Variants in TOGARAM1 observed in about 807,000 individuals in gnomAD.
TOGARAM1 encodes TOG array regulator of axonemal microtubules protein 1.
TOGARAM1 carries 100 observed loss-of-function variants against 166.6 expected under a neutral mutation model. That is an observed-to-expected ratio of 0.60 (90% confidence interval 0.51 to 0.71). The LOEUF (loss-of-function observed/expected upper bound fraction) is 0.71, where lower values mean the gene tolerates loss of function less well. Ranked by LOEUF, TOGARAM1 falls within the 30% of genes least tolerant of loss-of-function variation. The probability of loss-of-function intolerance (pLI) is 0.00; values close to 1 mark genes in which losing one functional copy is unlikely to be tolerated. For missense variants in TOGARAM1, 2,029 were observed against 2,102.7 expected, an observed-to-expected ratio of 0.96 and a Z score of 0.69; for synonymous variants, 758 against 763.8, an observed-to-expected ratio of 0.99 and a Z score of 0.13.
intron 1 of TOGARAM1, among the ~76,000 whole-genome samples, chr14:44,987,004 CAAAAAAAAAAA>C (rs749013284): frequency 3.4e-5 from 2 of 58,390 alleles, no homozygotes; most frequent in Non-Finnish European, 7.1e-5. Context: ...GACTCTGTCT[CAAAAAAAAAAA>C]AAAAGAAAGA....
At chr14:45,018,844 C>G (rs979540077) in intron 7 of TOGARAM1, among the ~76,000 whole-genome samples, 13 of 152,216 alleles carry the variant, frequency 8.5e-5, no homozygotes, top group Non-Finnish European at 1.8e-4. Context: ...AACTCATACC[C>G]TCATGTAATT....
intron 1 of TOGARAM1, among the ~76,000 whole-genome samples, chr14:44,990,765 A>G (rs1340414654): frequency 6.6e-6 from 1 of 151,948 alleles, no homozygotes; most frequent in Non-Finnish European, 1.5e-5. Flanking sequence ...CAGTGTGGGT[A>G]TTCTCCCTTT....
intron 1 of TOGARAM1, among the ~76,000 whole-genome samples, chr14:44,980,725 G>C (rs180895534): frequency 6.6e-6 from 1 of 152,160 alleles, no homozygotes; most frequent in African/African-American, 2.4e-5. Flanking sequence ...ACAAGAGTGA[G>C]GCAGGGGCTA....
At position 44,963,650 on chromosome 14, in the gene TOGARAM1, T is replaced by C. The variant is rs1177936152; in HGVS notation, c.1229T>C (p.Val410Ala). 1 of 1,613,320 alleles carries C rather than the reference T, an allele frequency of 6.2e-7. No individual in the cohort carries two copies. Among genetic ancestry groups the C allele is most frequent in the Non-Finnish European group, 8.5e-7 (1 of 1,180,032 alleles). ...YNLLDDSNFK[V>A]VHGTLEVLHL... ...TTGTTAGACGATTCTAACTTCAAAG[T>C]GGTGCATGGCACACTTGAAGTCCTG... Residue 410 changes from valine to alanine, a missense_variant, in exon 1 of 20, where the codon GTG (valine) becomes GCG (alanine). Physicochemically the swap from Val to Ala is moderately conservative, Grantham distance 64. Transcript: ENST00000361462.
At chr14:44,978,891 C>T (rs537579968) in intron 1 of TOGARAM1, among the ~76,000 whole-genome samples, 1 of 151,436 alleles carries the variant, frequency 6.6e-6, no homozygotes, top group Non-Finnish European at 1.5e-5. Context: ...CTCAGCTCCT[C>T]AGGAGGCTGA....
intron 11 of TOGARAM1, among the ~76,000 whole-genome samples, chr14:45,038,595 A>G (rs1482043346): frequency 6.6e-6 from 1 of 152,218 alleles, no homozygotes; most frequent in Non-Finnish European, 1.5e-5. Context: ...AGAAGCTTGG[A>G]GATGCCAGCA....
intron 1 of TOGARAM1, among the ~76,000 whole-genome samples, chr14:44,973,633 T>G (rs1341050458): frequency 2.0e-5 from 3 of 151,650 alleles, no homozygotes; most frequent in Admixed American, 1.3e-4. Flanking sequence ...TCCAGGTTTT[T>G]GACCTATATA....
At chr14:44,989,890 A>G (rs967382492) in intron 1 of TOGARAM1, among the ~76,000 whole-genome samples, 1 of 152,236 alleles carries the variant, frequency 6.6e-6, no homozygotes, top group African/African-American at 2.4e-5. Context: ...CAGGAAACTT[A>G]CAATCATAGT....
At chr14:45,031,417 A>G (rs981457234) in intron 10 of TOGARAM1, among the ~76,000 whole-genome samples, 1 of 152,178 alleles carries the variant, frequency 6.6e-6, no homozygotes. Flanking sequence ...ATGTCTTATT[A>G]TAGAGGAAAC....
intron 1 of TOGARAM1, among the ~76,000 whole-genome samples, chr14:44,965,835 T>C (rs1885497872): frequency 6.6e-6 from 1 of 152,062 alleles, no homozygotes; most frequent in Non-Finnish European, 1.5e-5. Flanking sequence ...TCTTTACCTG[T>C]ATCATTTATT....
chr14:45,032,115 G>A (rs1334032612), intron 10 of TOGARAM1, 108 bp from the exon 11 acceptor site: 18 of 942,500 alleles, frequency 1.9e-5, no homozygotes, highest in East Asian at 1.1e-4. Context: ...AGCTAAGATC[G>A]TACTACTGCA....
At chr14:45,014,814 TTAAC>T (rs1166385141) in intron 7 of TOGARAM1, among the ~76,000 whole-genome samples, 6 of 152,282 alleles carry the variant, frequency 3.9e-5, no homozygotes. Context: ...ATTTTATGAA[TTAAC>T]TATCAAGACA....
At chr14:45,019,440 A>G (rs938965030) in intron 7 of TOGARAM1, among the ~76,000 whole-genome samples, 5 of 149,418 alleles carry the variant, frequency 3.3e-5, no homozygotes, top group Admixed American at 6.7e-5. Flanking sequence ...TAACACCTGG[A>G]AAAAAAAAAC....
chr14:45,019,354 T>C (rs1880350630), intron 7 of TOGARAM1, among the ~76,000 whole-genome samples: 1 of 152,180 alleles, frequency 6.6e-6, no homozygotes, highest in African/African-American at 2.4e-5. Context: ...CCAGGCTGCA[T>C]AGTCTTCCAG....
At chr14:45,005,679 T>C (rs1887918199) in intron 4 of TOGARAM1, among the ~76,000 whole-genome samples, 1 of 152,184 alleles carries the variant, frequency 6.6e-6, no homozygotes, top group Non-Finnish European at 1.5e-5. Context: ...CCTCATGATT[T>C]TCTTTCCCCA....
At chr14:44,999,208 A>G (rs1887574652) in intron 2 of TOGARAM1, among the ~76,000 whole-genome samples, 155 bp from the exon 3 acceptor site, 1 of 152,224 alleles carries the variant, frequency 6.6e-6, no homozygotes, top group African/African-American at 2.4e-5. Context: ...TTCTAGTATC[A>G]AAAGCTGTAT....
intron 19 of TOGARAM1, among the ~76,000 whole-genome samples, chr14:45,072,512 C>T (rs941925721): frequency 2.6e-5 from 4 of 152,036 alleles, no homozygotes; most frequent in Middle Eastern, 3.4e-3. Flanking sequence ...TTGCAACCTC[C>T]GCCTCCTGGG....
intron 14 of TOGARAM1, 88 bp from the exon 15 acceptor site, chr14:45,052,348 T>G: frequency 9.0e-7 from 1 of 1,114,234 alleles, no homozygotes; most frequent in Non-Finnish European, 1.3e-6. Flanking sequence ...ATAGGTGTTT[T>G]TTTTCTATTG....
intron 17 of TOGARAM1, among the ~76,000 whole-genome samples, chr14:45,067,047 A>G (rs1407256309): frequency 6.6e-6 from 1 of 152,204 alleles, no homozygotes; most frequent in Non-Finnish European, 1.5e-5. Flanking sequence ...AATTACACAA[A>G]TTTAAAATGG....
Sources: allele counts gnomAD v4.1 joint callset (sites outside exome capture counted in the v4.1 genomes callset), GRCh38; gene constraint gnomAD v4.1.1; transcripts MANE v1.5; gene names NCBI Gene and HGNC (gene_info 2026-07-23, HGNC 2026-07-21).